Variants in FAM120C observed in about 807,000 individuals in gnomAD.
FAM120C encodes the protein family with sequence similarity 120 member C.
Under a neutral mutation model 71.2 loss-of-function variants are expected in FAM120C, and 14 were observed. The ratio of observed to expected loss-of-function variants is 0.20; its 90% CI spans 0.13 to 0.31. FAM120C has a LOEUF of 0.31. Ranked by LOEUF, FAM120C falls within the 10% of genes least tolerant of loss-of-function variation. The probability of loss-of-function intolerance (pLI) is 1.00; values close to 1 mark genes in which losing one functional copy is unlikely to be tolerated. For synonymous variants in FAM120C, 354 were observed against 353.2 expected, an observed-to-expected ratio of 1.00 and a Z score of -0.03; for missense variants, 500 against 879.0, an observed-to-expected ratio of 0.57 and a Z score of 5.45.
In FAM120C at chrX:54,072,986, TAA is replaced by T. The variant is rs781895213; in HGVS notation, c.*45_*46del. 7.8e-6 allele frequency: 9 copies of T among 1,161,276 alleles called. No individual in the cohort carries two copies. Among genetic ancestry groups the T allele is most frequent in the Non-Finnish European group, 9.2e-6 (8 of 870,049 alleles). On this transcript the variant is annotated 3_prime_UTR_variant, in exon 16 of 16. Coordinates refer to ENST00000375180, the MANE Select transcript of FAM120C (RefSeq NM_017848.6). Reference sequence around the variant, plus strand: ...TAGCTTGGGCCTAAAATCAGAAAAGTAAAAGTTTTTCCCTCTTCCTGGTTTGG... The same window carrying T: ...TAGCTTGGGCCTAAAATCAGAAAAGTAAGTTTTTCCCTCTTCCTGGTTTGG...
intron 9 of FAM120C, among the ~76,000 whole-genome samples, chrX:54,127,748 C>A (rs1184079816): frequency 9.1e-6 from 1 of 109,540 alleles, no homozygotes; most frequent in Non-Finnish European, 1.9e-5. Flanking sequence ...GCACCATGCT[C>A]AGCTATATTA....
At chrX:54,145,985 G>C (rs1174439371) in intron 4 of FAM120C, among the ~76,000 whole-genome samples, 2 of 111,791 alleles carry the variant, frequency 1.8e-5, no homozygotes, top group Non-Finnish European at 3.8e-5. Flanking sequence ...CCATAAAAAA[G>C]GATGAGTTCA....
intron 15 of FAM120C, among the ~76,000 whole-genome samples, chrX:54,079,797 CAA>C (rs374188582): frequency 1.1e-5 from 1 of 92,869 alleles, no homozygotes. Flanking sequence ...AACTCCGTCT[CAA>C]AAAAAAAAAA....
intron 1 of FAM120C, among the ~76,000 whole-genome samples, chrX:54,167,669 T>TA (rs2067266536): frequency 9.1e-6 from 1 of 110,368 alleles, no homozygotes; most frequent in African/African-American, 3.3e-5. Context: ...GACACCTGTT[T>TA]ATAGAACTCA....
chrX:54,166,090 A>G (rs1342647470), intron 1 of FAM120C, among the ~76,000 whole-genome samples: 2 of 111,762 alleles, frequency 1.8e-5, no homozygotes, highest in Non-Finnish European at 3.8e-5. Flanking sequence ...GAGAAGGGAA[A>G]AAACCTAACA....
intron 1 of FAM120C, among the ~76,000 whole-genome samples, chrX:54,175,768 A>G (rs1354933303): frequency 1.8e-5 from 2 of 111,476 alleles, no homozygotes; most frequent in East Asian, 5.6e-4. Context: ...AAATCATTTA[A>G]CACTCACAAC....
intron 10 of FAM120C, among the ~76,000 whole-genome samples, chrX:54,106,739 G>A (rs2066908822): frequency 8.9e-6 from 1 of 111,871 alleles, no homozygotes; most frequent in African/African-American, 3.2e-5. Context: ...AGTGGGCAAA[G>A]GATATGAACA....
chrX:54,084,680 T>C lies in FAM120C; in HGVS notation c.2839+1035A>G, dbSNP rs1020934273. On this transcript the variant is annotated intron_variant, in intron 13 of 15. Transcript: ENST00000375180. ...CCCGTCTCTACTAAAAATACAAAAA[T>C]TAGCCGGGCTGTGGACAGAGGGAGA... Among the ~76,000 whole-genome samples, 5 of 98,988 alleles carry C rather than the reference T, an allele frequency of 5.1e-5. No individual in the cohort carries two copies. The East Asian group carries it at 1.6e-3, about 32-fold the overall frequency. The allele number at this position is 98,988 out of a possible 115,157, so 86.0% of individuals were successfully genotyped here.
chrX:54,180,057 C>G (rs2146656294), intron 1 of FAM120C, among the ~76,000 whole-genome samples: 1 of 112,014 alleles, frequency 8.9e-6, no homozygotes, highest in Non-Finnish European at 1.9e-5. Context: ...TTATTAACTG[C>G]TGGGATTTTA....
At chrX:54,170,949 A>C (rs2067284821) in intron 1 of FAM120C, among the ~76,000 whole-genome samples, 1 of 111,894 alleles carries the variant, frequency 8.9e-6, no homozygotes, top group African/African-American at 3.2e-5. Flanking sequence ...GCGAGAATCC[A>C]AGGGAACCTC....
intron 1 of FAM120C, among the ~76,000 whole-genome samples, chrX:54,168,764 T>C (rs1557135562): frequency 8.9e-6 from 1 of 111,879 alleles, no homozygotes; most frequent in Non-Finnish European, 1.9e-5. Flanking sequence ...CAAGAGTCTT[T>C]GACCTCATGG....
intron 1 of FAM120C, among the ~76,000 whole-genome samples, chrX:54,178,546 T>C (rs1243310913): frequency 8.9e-6 from 1 of 112,134 alleles, no homozygotes; most frequent in African/African-American, 3.2e-5. Flanking sequence ...TTACCTCAGT[T>C]ACTCAACTGT....
In FAM120C at chrX:54,079,088, A is replaced by G. The variant is rs373466848; in HGVS notation, c.3036+1144T>C. Reference sequence around the variant, plus strand: ...ATCCTGGCTAACACAGTGAAACCCCATCTCTACTAAAAACACACAAAAAAT... The same window carrying G: ...ATCCTGGCTAACACAGTGAAACCCCGTCTCTACTAAAAACACACAAAAAAT... On this transcript the variant is annotated intron_variant, in intron 15 of 15. Coordinates refer to ENST00000375180, the MANE Select transcript of FAM120C (RefSeq NM_017848.6). Among the ~76,000 whole-genome samples the G allele has an allele frequency of 1.4e-3, 148 of 108,293 alleles. 1 individual carries two copies. The highest frequency in any genetic ancestry group is 3.6e-3 in the African/African-American group (106 of 29,821). 94.0% of individuals were successfully genotyped at this position (108,293 alleles called of 115,157 possible). A position where few individuals can be genotyped will look rare whatever the true frequency, so the allele number is the denominator to read the frequency against.
intron 1 of FAM120C, among the ~76,000 whole-genome samples, chrX:54,166,058 C>T (rs1213854071): frequency 4.5e-5 from 5 of 110,519 alleles, no homozygotes; most frequent in African/African-American, 1.6e-4. Context: ...ACTTACAGTG[C>T]AGAGGACTAA....
intron 9 of FAM120C, among the ~76,000 whole-genome samples, chrX:54,130,067 G>A (rs1374112529): frequency 4.8e-5 from 4 of 84,112 alleles, no homozygotes; most frequent in Non-Finnish European, 9.3e-5. Flanking sequence ...GAGGGACACC[G>A]TGGGGAGAGG....
intron 15 of FAM120C, among the ~76,000 whole-genome samples, chrX:54,079,824 C>G (rs910613426): frequency 2.3e-4 from 25 of 111,065 alleles, no homozygotes; most frequent in African/African-American, 7.8e-4. Context: ...AATGGTAACG[C>G]TCCCGCCACA....
rs1569532325 is a variant in FAM120C at position 54,116,595 on chromosome X, G to A, written c.2262C>T (p.Leu754=). 2 of 1,211,676 alleles carry A rather than the reference G, an allele frequency of 1.7e-6. No homozygotes were observed. The highest frequency in any genetic ancestry group is 2.2e-6 in the Non-Finnish European group (2 of 895,381). The change falls in exon 10 of 16, where the codon CTC becomes CTT. Residue 754 remains leucine, a synonymous_variant. Coordinates refer to ENST00000375180, the MANE Select transcript of FAM120C (RefSeq NM_017848.6). ...ACMKSDTPSM[L]NPANVPTHLL... ...GATGGGTGGGGACATTAGCTGGATT[G>A]AGCATACTGGGCGTGTCCGACTTCA...
At position 54,085,743 on chromosome X, in the gene FAM120C, G is replaced by T; in HGVS notation, c.2811C>A (p.Pro937=). 1 of 1,211,483 alleles carries T rather than the reference G, an allele frequency of 8.3e-7. No individual in the cohort carries two copies. Among genetic ancestry groups the T allele is most frequent in the Non-Finnish European group, 1.1e-6 (1 of 895,413 alleles). ...CAAATCCCCGGCTCCTCCCTTGAGG[G>T]GGAAGTGGCATGGAGCCCATAGCTC... The part of the protein sequence containing the change: ...YSRAMGSMPL[P]PQGRSRGFAG... The change falls in exon 13 of 16, where the codon CCC becomes CCA. Residue 937 remains proline, a synonymous_variant. Transcript: ENST00000375180.
chrX:54,145,858 G>A (rs1158877806), intron 4 of FAM120C, among the ~76,000 whole-genome samples: 2 of 111,943 alleles, frequency 1.8e-5, no homozygotes, highest in African/African-American at 6.5e-5. Context: ...ACATGCACAC[G>A]TATGTTTACT....
Sources: gnomAD v4.1 joint callset for allele counts (sites outside exome capture counted in the v4.1 genomes callset) on GRCh38, gnomAD v4.1.1 for gene constraint, MANE v1.5 for transcripts, NCBI Gene and HGNC (gene_info 2026-07-23, HGNC 2026-07-21) for gene names.